TTC5: variants seen among roughly 807,000 people sequenced by gnomAD.
TTC5 encodes tetratricopeptide repeat domain 5, also known as tetratricopeptide repeat protein 5.
In TTC5, 46 loss-of-function variants were observed where a neutral mutation model predicts 57.4. That is an observed-to-expected ratio of 0.80 (90% CI 0.63 to 1.03). The LOEUF is 1.03. Among genes scored for constraint, TTC5 ranks in the 50% least tolerant of loss-of-function variants. The probability of loss-of-function intolerance (pLI) is 0.00; values close to 1 mark genes in which losing one functional copy is unlikely to be tolerated. For synonymous variants in TTC5, 190 were observed against 203.5 expected, an observed-to-expected ratio of 0.93 and a Z score of 0.57; for missense variants, 504 against 528.1, an observed-to-expected ratio of 0.95 and a Z score of 0.45.
chr14:20,300,177 T>C (rs1882158857), intron 3 of TTC5, among the ~76,000 whole-genome samples: 1 of 36,426 alleles, frequency 2.7e-5, no homozygotes, highest in African/African-American at 7.5e-5. Flanking sequence ...TTTTTTTTTT[T>C]TTGTAGAGAC....
chr14:20,299,855 T>C (rs1882146465), intron 3 of TTC5, among the ~76,000 whole-genome samples: 1 of 151,246 alleles, frequency 6.6e-6, no homozygotes, highest in South Asian at 2.1e-4. Context: ...CCTGGCCGTA[T>C]TTTTCTTTTT....
chr14:20,305,476 A>G (rs1882271101), intron 1 of TTC5: 1 of 200,246 alleles, frequency 5.0e-6, no homozygotes, highest in Non-Finnish European at 1.0e-5. Context: ...AGTGCAGGTC[A>G]TTAGCGTGAT....
chr14:20,298,514 T>C (rs1882111703), intron 5 of TTC5, among the ~76,000 whole-genome samples: 1 of 152,306 alleles, frequency 6.6e-6, no homozygotes, highest in East Asian at 1.9e-4. Context: ...AAGATGAACA[T>C]GTTGAGGCAG....
chr14:20,298,929 G>T, intron 4 of TTC5, 41 bp from the exon 5 acceptor site: 1 of 1,427,176 alleles, frequency 7.0e-7, no homozygotes, highest in Non-Finnish European at 9.9e-7. Flanking sequence ...CAGAGTCCAA[G>T]TTCAAGATAT....
At chr14:20,299,645 C>T (rs1882141414) in intron 3 of TTC5, among the ~76,000 whole-genome samples, 197 bp from the exon 4 acceptor site, 1 of 152,046 alleles carries the variant, frequency 6.6e-6, no homozygotes, top group African/African-American at 2.4e-5. Flanking sequence ...CCTTTGCCTC[C>T]CGAGTTAAGT....
At chr14:20,298,745 T>C in intron 5 of TTC5, 52 bp downstream of exon 5, 1 of 1,296,886 alleles carries the variant, frequency 7.7e-7, no homozygotes, top group Non-Finnish European at 1.1e-6. Context: ...TGAACAATGC[T>C]CTTGCTTCTG....
At position 20,291,983 on chromosome 14, in the gene TTC5, C is replaced by T. The variant is rs1594262104; in HGVS notation, c.1203G>A (p.Lys401=). 1 of 1,577,208 alleles carries T rather than the reference C, an allele frequency of 6.3e-7. No homozygotes were observed. The highest frequency in any genetic ancestry group is 2.3e-5 in the East Asian group (1 of 43,578). The part of the protein sequence containing the change: ...LRLHRIQHKG[K]DYSFSSVRVE... ...TAAGAGAATCCTAGCCATTGCTCAC[C>T]TTTCCTTTGTGCTGAATTCGGTGAA... Residue 401 remains lysine (K), a splice_region_variant and synonymous_variant, in exon 9 of 10, where the codon AAG becomes AAA. Transcript: ENST00000258821.
rs1051245286 is a variant in TTC5, at chr14:20,300,786, G to C, written c.217C>G (p.Leu73Val). 2.5e-6 allele frequency: 4 copies of C among 1,613,854 alleles called. No homozygotes were observed. Among genetic ancestry groups the C allele is most frequent in the East Asian group, 2.2e-5 (1 of 44,896 alleles). ...GTCACATTTAGTGCTTTCCCAGTTAGCATTAGAACTTGTGCCTTGCCCTGG... is the reference window on the plus strand; with the variant it reads ...GTCACATTTAGTGCTTTCCCAGTTACCATTAGAACTTGTGCCTTGCCCTGG... ...SVQGKAQVLMLTGKALNVTPD... is the reference protein window; with the variant it reads ...SVQGKAQVLMVTGKALNVTPD... The change falls in exon 3 of 10, where the codon CTA becomes GTA. Residue 73 changes from leucine (L) to valine (V), a missense_variant. By Grantham distance (32) the Leu-to-Val change is conservative. Coordinates refer to ENST00000258821, the MANE Select transcript of TTC5 (RefSeq NM_138376.3).
In TTC5 at chr14:20,296,989, G is replaced by A. The variant is rs1882079175; in HGVS notation, c.640-543C>T. 2.0e-5 allele frequency among the ~76,000 whole-genome samples: 3 copies of A among 152,148 alleles called. No homozygotes were observed. The South Asian group carries it at 6.2e-4, about 32-fold the overall frequency. The stretch of plus-strand genomic sequence containing the variant: ...TGCACCACTGCACTCGAGCCTGGGT[G>A]ACAGAGTGAGACTTCATCTCAAAAA... On this transcript the variant is annotated intron_variant, in intron 5 of 9. Transcript: ENST00000258821.
intron 1 of TTC5, among the ~76,000 whole-genome samples, chr14:20,304,873 C>T (rs1882258733): frequency 6.6e-6 from 1 of 151,960 alleles, no homozygotes; most frequent in Non-Finnish European, 1.5e-5. Flanking sequence ...ATGGCAAAAT[C>T]AATACATGTA....
rs144687783 is a variant in TTC5, at chr14:20,289,489, G to A, written c.*138C>T. The A allele has an allele frequency of 8.5e-6, 9 of 1,053,264 alleles. No homozygotes were observed. The highest frequency in any genetic ancestry group is 3.2e-4 in the Middle Eastern group (1 of 3,136). 65.2% of individuals were successfully genotyped at this position (1,053,264 alleles called of 1,614,324 possible). ...AGAGGAGAGAGAAGAGATACGAAGT[G>A]TAATACAGGCAGGGAAAGAGAAAGT... On this transcript the variant is annotated 3_prime_UTR_variant, in exon 10 of 10. Coordinates refer to ENST00000258821, the MANE Select transcript of TTC5 (RefSeq NM_138376.3).
At position 20,287,178 on chromosome 14, in the gene TTC5, T is replaced by A. The variant is rs964415426; in HGVS notation, c.*2449A>T. 3 of 152,194 alleles carry A rather than the reference T, an allele frequency of 2.0e-5. No individual in the cohort carries two copies. The highest frequency in any genetic ancestry group is 2.0e-4 in the Admixed American group (3 of 15,280). 9.4% of individuals were successfully genotyped at this position (152,194 alleles called of 1,614,324 possible). A position where few individuals can be genotyped will look rare whatever the true frequency, so the allele number is the denominator to read the frequency against. On this transcript the variant is annotated 3_prime_UTR_variant, in exon 10 of 10. Coordinates refer to ENST00000258821, the MANE Select transcript of TTC5 (RefSeq NM_138376.3). Reference sequence around the variant, plus strand: ...AGTGGTTCTCAAATTTTACTGTGCATCAGAGTCACCTGGAGGGTTTGCGAA... The same window carrying A: ...AGTGGTTCTCAAATTTTACTGTGCAACAGAGTCACCTGGAGGGTTTGCGAA...
At chr14:20,299,248 T>C in intron 4 of TTC5, 50 bp downstream of exon 4, 1 of 1,591,358 alleles carries the variant, frequency 6.3e-7, no homozygotes, top group South Asian at 1.1e-5. Flanking sequence ...TTGCTCTGAT[T>C]GAAAACATCT....
intron 3 of TTC5, among the ~76,000 whole-genome samples, chr14:20,299,781 G>A (rs1566391756): frequency 6.6e-6 from 1 of 151,848 alleles, no homozygotes; most frequent in East Asian, 1.9e-4. Context: ...TTGAACTCCT[G>A]ACCTCAAGTG....
At chr14:20,298,463 A>G (rs911543480) in intron 5 of TTC5, among the ~76,000 whole-genome samples, 3 of 152,216 alleles carry the variant, frequency 2.0e-5, no homozygotes, top group Admixed American at 6.5e-5. Context: ...GTACAAAAAT[A>G]TTAATAAGTA....
intron 1 of TTC5, among the ~76,000 whole-genome samples, chr14:20,304,731 C>T (rs1882256389): frequency 6.6e-6 from 1 of 152,158 alleles, no homozygotes; most frequent in African/African-American, 2.4e-5. Flanking sequence ...AACATGGCTG[C>T]AAATTAAGAG....
At chr14:20,302,064 T>G (rs1882204928) in intron 1 of TTC5, 99 bp from the exon 2 acceptor site, 2 of 1,329,878 alleles carry the variant, frequency 1.5e-6, no homozygotes, top group Middle Eastern at 2.6e-4. Flanking sequence ...GAAATACCAA[T>G]TCTCTTTCTC....
At position 20,295,843 on chromosome 14, in the gene TTC5, A is replaced by G; in HGVS notation, c.708T>C (p.Tyr236=). 1.3e-6 allele frequency: 2 copies of G among 1,583,094 alleles called. No individual in the cohort carries two copies. Among genetic ancestry groups the G allele is most frequent in the Non-Finnish European group, 8.5e-7 (1 of 1,171,304 alleles). The change falls in exon 7 of 10, where the codon TAT becomes TAC. Residue 236 remains tyrosine (Y), a synonymous_variant. Coordinates refer to ENST00000258821, the MANE Select transcript of TTC5 (RefSeq NM_138376.3). ...CCAGGGCCTCCCCATAACTCTCTTCATATTTATGCAACTGTACAAGAAGTG... is the reference window on the plus strand; with the variant it reads ...CCAGGGCCTCCCCATAACTCTCTTCGTATTTATGCAACTGTACAAGAAGTG... ...LHLNRATLHK[Y]EESYGEALEG... is the part of the protein sequence containing the mutation.
chr14:20,291,585 T>C (rs1881953681), intron 9 of TTC5, among the ~76,000 whole-genome samples: 1 of 152,232 alleles, frequency 6.6e-6, no homozygotes, highest in Non-Finnish European at 1.5e-5. Context: ...ACCCCGTGTC[T>C]ACTCAATGTG....
Sources: gnomAD v4.1 joint callset for allele counts (sites outside exome capture counted in the v4.1 genomes callset) on GRCh38, gnomAD v4.1.1 for gene constraint, MANE v1.5 for transcripts, NCBI Gene and HGNC (gene_info 2026-07-23, HGNC 2026-07-21) for gene names.